MDN1: variants seen among roughly 807,000 people sequenced by gnomAD.
MDN1 encodes midasin AAA ATPase 1.
A neutral mutation model predicts 669.2 loss-of-function variants in MDN1; 266 were observed. That is an observed-to-expected ratio of 0.40 (90% CI 0.36 to 0.44). The LOEUF is 0.44. Among genes scored for constraint, MDN1 ranks in the 20% least tolerant of loss-of-function variants. The pLI, the probability that MDN1 is intolerant of heterozygous loss-of-function variation, is 1.00. For synonymous variants in MDN1, 2,385 were observed against 2,457.1 expected, an observed-to-expected ratio of 0.97 and a Z score of 0.87; for missense variants, 5,940 against 6,754.0, an observed-to-expected ratio of 0.88 and a Z score of 4.22.
chr6:89,761,414 A>G (rs1817540537), intron 17 of MDN1, among the ~76,000 whole-genome samples: 1 of 152,162 alleles, frequency 6.6e-6, no homozygotes, highest in Non-Finnish European at 1.5e-5. Flanking sequence ...TTTGTACCCC[A>G]TGAATATATA....
At chr6:89,746,448 G>A (rs1028529996) in intron 27 of MDN1, among the ~76,000 whole-genome samples, 1 of 151,988 alleles carries the variant, frequency 6.6e-6, no homozygotes, top group Non-Finnish European at 1.5e-5. Context: ...CAGGCATGGT[G>A]GCGCTTGCCT....
chr6:89,648,412 C>A, intron 97 of MDN1, 83 bp from the exon 98 acceptor site: 1 of 1,339,388 alleles, frequency 7.5e-7, no homozygotes, highest in South Asian at 1.2e-5. Context: ...CATCAAGATT[C>A]CCAAAGAAAA....
rs369943766 is a variant in MDN1 at position 89,658,358 on chromosome 6, G to A, written c.15034C>T (p.Arg5012Trp). The change falls in exon 90 of 102, where the codon CGG (arginine) becomes TGG (tryptophan). Residue 5012 changes from arginine (R) to tryptophan (W), a missense_variant. Physicochemically the swap from Arg to Trp is moderately radical, Grantham distance 101. This residue lies in a region of MDN1 where 2,280 missense variants were observed against 2,576.3 expected (regional missense o/e 0.88). Transcript: ENST00000369393. ...TGCTCCTCTGTATCAGAGTCCTCCC[G>A]TTCTTCTTCCTCCTTCGGCAGAGAA... ...QGFQPQEEEE[R>W]EDSDTEEQVP... is the part of the protein sequence containing the mutation. The A allele has an allele frequency of 8.7e-6, 14 of 1,613,962 alleles. No individual in the cohort carries two copies. The highest frequency in any genetic ancestry group is 6.7e-5 in the African/African-American group (5 of 74,886).
chr6:89,645,386 C>G (rs1054618482), intron 100 of MDN1, among the ~76,000 whole-genome samples: 3 of 152,174 alleles, frequency 2.0e-5, no homozygotes, highest in African/African-American at 4.8e-5. Flanking sequence ...ACTAAGTAAG[C>G]TTCTGTCAGT....
At position 89,707,429 on chromosome 6, in the gene MDN1, T is replaced by G. The variant is rs1584237557; in HGVS notation, c.7946A>C (p.Asn2649Thr). The part of the protein sequence containing the change: ...DREKRVFTEA[N>T]LVSVGSKKLR... ...CTTTTTGCTACCAACAGAAACCAAATTTGCTTCAGTAAAAACCCGTTTTTC... is the reference window on the plus strand; with the variant it reads ...CTTTTTGCTACCAACAGAAACCAAAGTTGCTTCAGTAAAAACCCGTTTTTC... The change falls in exon 52 of 102, where the codon AAT (asparagine) becomes ACT (threonine). Residue 2649 changes from asparagine to threonine, a missense_variant. Asn to Thr is a moderately conservative substitution (Grantham distance 65). Coordinates refer to ENST00000369393, the MANE Select transcript of MDN1 (RefSeq NM_014611.3). The G allele has an allele frequency of 6.2e-7, 1 of 1,614,092 alleles. No individual in the cohort carries two copies.
chr6:89,692,336 C>A (rs1321934686), intron 63 of MDN1, 107 bp downstream of exon 63: 13 of 982,960 alleles, frequency 1.3e-5, no homozygotes, highest in Non-Finnish European at 1.5e-6. Context: ...CACGCCCCAA[C>A]GACACTGTGT....
chr6:89,676,096 T>G lies in MDN1; in HGVS notation c.12645+6A>C. On this transcript the variant is annotated splice_donor_region_variant and intron_variant, in intron 77 of 101. Coordinates refer to ENST00000369393, the MANE Select transcript of MDN1 (RefSeq NM_014611.3). ...CCCCTGCAAGACTCATGTTCTATCATTCTACCTTGGCAGGAGTTGCTAGTG... is the reference window on the plus strand; with the variant it reads ...CCCCTGCAAGACTCATGTTCTATCAGTCTACCTTGGCAGGAGTTGCTAGTG... 2 of 1,613,020 alleles carry G rather than the reference T, an allele frequency of 1.2e-6. No individual in the cohort carries two copies.
chr6:89,801,965 GAA>G (rs149181191), intron 2 of MDN1, among the ~76,000 whole-genome samples: 2 of 132,346 alleles, frequency 1.5e-5, no homozygotes, highest in Non-Finnish European at 3.3e-5. Flanking sequence ...GCTTCAAAAA[GAA>G]AAAAAAAAAA....
chr6:89,818,480 A>T (rs963989217), intron 1 of MDN1, among the ~76,000 whole-genome samples: 24 of 149,996 alleles, frequency 1.6e-4, no homozygotes, highest in East Asian at 9.8e-4. Flanking sequence ...CAAAAAAAAA[A>T]TTTTTTTTTT....
rs761733423 is a variant in MDN1, at chr6:89,644,089, A to C, written c.16707T>G (p.Leu5569=). 6.2e-7 allele frequency: 1 copy of C among 1,614,138 alleles called. No individual in the cohort carries two copies. The highest frequency in any genetic ancestry group is 8.5e-7 in the Non-Finnish European group (1 of 1,180,018). The stretch of plus-strand genomic sequence containing the variant: ...TCTCAGGAAGTGCGTTTACATCTCG[A>C]AGAATGATATAGTATGGGAATGGGA... ...EEFPFPYYII[L]RDVNALPETL... is the part of the protein sequence containing the mutation. The change falls in exon 102 of 102, where the codon CTT becomes CTG. Residue 5569 remains leucine, a synonymous_variant. Transcript: ENST00000369393.
intron 42 of MDN1, 67 bp from the exon 43 acceptor site, chr6:89,718,694 A>G: frequency 6.2e-7 from 1 of 1,606,770 alleles, no homozygotes; most frequent in South Asian, 1.1e-5. Flanking sequence ...ACTCATCACC[A>G]ACTCAGAAGA....
In MDN1 at chr6:89,705,235, G is replaced by C. The variant is rs1359809754; in HGVS notation, c.8148+824C>G. 1.1e-4 allele frequency among the ~76,000 whole-genome samples: 16 copies of C among 152,102 alleles called. 1 individual carries two copies. The highest frequency in any genetic ancestry group is 3.9e-4 in the African/African-American group (16 of 41,508). On this transcript the variant is annotated intron_variant, in intron 53 of 101. Transcript: ENST00000369393. ...TATTCATATTAACGTGAAATTCTTT[G>C]CTACTGTATTTTTAAGCAAATTTAT...
At chr6:89,764,273 C>T (rs1817694362) in intron 15 of MDN1, among the ~76,000 whole-genome samples, 1 of 152,006 alleles carries the variant, frequency 6.6e-6, no homozygotes, top group Non-Finnish European at 1.5e-5. Context: ...TCAACAAGAC[C>T]CACAAGATCT....
intron 63 of MDN1, among the ~76,000 whole-genome samples, chr6:89,691,601 A>T (rs1302336880): frequency 6.6e-6 from 1 of 152,156 alleles, no homozygotes; most frequent in Admixed American, 6.5e-5. Context: ...GTTCAATGAT[A>T]AGAAAATAGT....
intron 66 of MDN1, 92 bp from the exon 67 acceptor site, chr6:89,688,265 C>A (rs868233747): frequency 8.7e-5 from 103 of 1,181,524 alleles, no homozygotes; most frequent in Admixed American, 4.1e-4. Context: ...AAGATTCCCC[C>A]CAGTTCTCTA....
At chr6:89,803,895 CTTTTTTTTTTT>C (rs56246331) in intron 1 of MDN1, among the ~76,000 whole-genome samples, 2 of 76,414 alleles carry the variant, frequency 2.6e-5, no homozygotes, top group African/African-American at 5.3e-5. Context: ...CTTTTCTTTT[CTTTTTTTTTTT>C]TTTTTTTTTT....
intron 61 of MDN1, 61 bp from the exon 62 acceptor site, chr6:89,694,244 A>C (rs1314410217): frequency 7.1e-7 from 1 of 1,400,850 alleles, no homozygotes; most frequent in African/African-American, 1.4e-5. Context: ...ACATGAGGAC[A>C]ATGTCCTGGG....
At chr6:89,680,345 T>G (rs555561144) in intron 74 of MDN1, among the ~76,000 whole-genome samples, 11 of 152,184 alleles carry the variant, frequency 7.2e-5, no homozygotes, top group Admixed American at 3.3e-4. Context: ...TAGACAAGGC[T>G]CTCATAAAAG....
chr6:89,652,356 C>T, intron 94 of MDN1, 75 bp from the exon 95 acceptor site: 1 of 1,124,238 alleles, frequency 8.9e-7, no homozygotes, highest in Non-Finnish European at 1.3e-6. Context: ...GTGTCTTCCG[C>T]CCTACAGTAT....
Sources: allele counts gnomAD v4.1 joint callset (sites outside exome capture counted in the v4.1 genomes callset), GRCh38; gene constraint gnomAD v4.1.1; regional missense constraint gnomAD v4.1.1; transcripts MANE v1.5; gene names NCBI Gene and HGNC (gene_info 2026-07-23, HGNC 2026-07-21).